Variants in BCAT1 observed in about 807,000 individuals in gnomAD.
BCAT1 encodes the protein branched-chain-amino-acid aminotransferase, cytosolic.
A neutral mutation model predicts 52.4 loss-of-function variants in BCAT1; 48 were observed. The observed-to-expected ratio is 0.92, with a 90% CI of 0.73 to 1.16. BCAT1 has a LOEUF of 1.16. Ranked by LOEUF, BCAT1 falls within the 50% of genes most tolerant of loss-of-function variation. The pLI, the probability that BCAT1 is intolerant of heterozygous loss-of-function variation, is 0.00. For missense variants in BCAT1, 451 were observed against 457.1 expected (o/e 0.99, Z 0.12); for synonymous variants, 167 against 161.3 (o/e 1.04, Z -0.27).
intron 10 of BCAT1, among the ~76,000 whole-genome samples, chr12:24,825,019 G>A (rs554032892): frequency 2.7e-4 from 41 of 151,678 alleles, no homozygotes; most frequent in African/African-American, 9.9e-4. Flanking sequence ...TCGGTCCCTC[G>A]CTTATTTCAC....
At chr12:24,927,807 C>T (rs1373393016) in intron 1 of BCAT1, among the ~76,000 whole-genome samples, 1 of 152,152 alleles carries the variant, frequency 6.6e-6, no homozygotes, top group Non-Finnish European at 1.5e-5. Context: ...ATTGAATGAC[C>T]TTGACTTGGG....
chr12:24,829,920 A>ACGCCTG, intron 9 of BCAT1, 23 bp from the exon 10 acceptor site: 2 of 1,561,272 alleles, frequency 1.3e-6, no homozygotes, highest in Non-Finnish European at 1.8e-6. Context: ...GGGAAATGAG[A>ACGCCTG]TAATTTGAGG....
At chr12:24,943,908 C>T (rs1472511837) in intron 1 of BCAT1, among the ~76,000 whole-genome samples, 6 of 151,874 alleles carry the variant, frequency 4.0e-5, no homozygotes, top group Non-Finnish European at 8.8e-5. Flanking sequence ...GGCGTGAACC[C>T]AGGAGGCGGA....
chr12:24,836,659 T>C, intron 7 of BCAT1, 63 bp from the exon 8 acceptor site: 1 of 1,324,368 alleles, frequency 7.6e-7, no homozygotes, highest in Non-Finnish European at 1.1e-6. Context: ...TTATTATCAA[T>C]AGCCATTTTT....
At chr12:24,837,401 T>A (rs912787098) in intron 7 of BCAT1, among the ~76,000 whole-genome samples, 2 of 151,684 alleles carry the variant, frequency 1.3e-5, no homozygotes, top group South Asian at 4.2e-4. Context: ...CTACTCAGGC[T>A]GGTCACTGCT....
intron 7 of BCAT1, among the ~76,000 whole-genome samples, 187 bp from the exon 8 acceptor site, chr12:24,836,783 GAAGA>G (rs1029488750): frequency 5.7e-5 from 7 of 122,644 alleles, no homozygotes; most frequent in Admixed American, 1.8e-4. Context: ...TTTAAAAAAA[GAAGA>G]AAGAAGGAAG....
At chr12:24,859,928 A>G (rs1422525897) in intron 5 of BCAT1, among the ~76,000 whole-genome samples, 1 of 152,106 alleles carries the variant, frequency 6.6e-6, no homozygotes, top group East Asian at 1.9e-4. Flanking sequence ...TTGTATTTGT[A>G]TAAATATGTT....
In BCAT1 at chr12:24,832,791, T is replaced by C. The variant is rs759538657; in HGVS notation, c.976A>G (p.Arg326Gly). Residue 326 changes from arginine (R) to glycine (G), a missense_variant, in exon 9 of 11, where the codon AGA becomes GGA. Transcript: ENST00000261192. ...GCTGTACCAGAGCCAAACATCTCTC[T>C]CACTCTGTTCCCCTCCAGGGCTGTT... ...LTTALEGNRVREMFGSGTACV... is the reference protein window; with the variant it reads ...LTTALEGNRVGEMFGSGTACV... 3 of 1,611,838 alleles carry C rather than the reference T, an allele frequency of 1.9e-6. No homozygotes were observed. The highest frequency in any genetic ancestry group is 2.5e-6 in the Non-Finnish European group (3 of 1,178,958).
intron 2 of BCAT1, among the ~76,000 whole-genome samples, chr12:24,895,234 A>T (rs1384070204): frequency 6.6e-6 from 1 of 152,136 alleles, no homozygotes; most frequent in Non-Finnish European, 1.5e-5. Context: ...ACCACCACTA[A>T]CTTTATAGCA....
At chr12:24,862,886 C>G (rs1358149324) in intron 5 of BCAT1, among the ~76,000 whole-genome samples, 1 of 152,046 alleles carries the variant, frequency 6.6e-6, no homozygotes, top group Non-Finnish European at 1.5e-5. Context: ...GAGAAAATGT[C>G]CTTTGTCTCT....
At chr12:24,914,296 T>C (rs769906203) in intron 1 of BCAT1, among the ~76,000 whole-genome samples, 1 of 152,172 alleles carries the variant, frequency 6.6e-6, no homozygotes, top group Non-Finnish European at 1.5e-5. Context: ...TTGCTCTGGC[T>C]GGTCTCGAAC....
chr12:24,876,260 T>TAAAAAA (rs71448093), intron 5 of BCAT1, among the ~76,000 whole-genome samples: 4 of 109,832 alleles, frequency 3.6e-5, no homozygotes, highest in South Asian at 3.2e-4. Flanking sequence ...GAGGGAGATG[T>TAAAAAA]AAAAAAAAAA....
chr12:24,844,149 C>T (rs762069300), intron 6 of BCAT1, among the ~76,000 whole-genome samples: 37 of 152,166 alleles, frequency 2.4e-4, no homozygotes, highest in Admixed American at 2.0e-4. Context: ...ATTTCCAGGC[C>T]GGGCACGGTG....
chr12:24,925,520 CCCTG>C (rs1356294409), intron 1 of BCAT1, among the ~76,000 whole-genome samples: 2 of 152,128 alleles, frequency 1.3e-5, no homozygotes, highest in African/African-American at 2.4e-5. Flanking sequence ...CCCTGGAGAA[CCCTG>C]CCTAACACAA....
intron 5 of BCAT1, among the ~76,000 whole-genome samples, chr12:24,858,234 G>C (rs572479937): frequency 6.6e-6 from 1 of 152,128 alleles, no homozygotes; most frequent in Non-Finnish European, 1.5e-5. Flanking sequence ...GTGTATTTTT[G>C]TGTGTTGTAT....
At chr12:24,901,210 T>C (rs763798591) in intron 2 of BCAT1, among the ~76,000 whole-genome samples, 3 of 152,088 alleles carry the variant, frequency 2.0e-5, no homozygotes, top group Non-Finnish European at 2.9e-5. Context: ...CTGATGACAA[T>C]TGACAGTGAC....
intron 2 of BCAT1, among the ~76,000 whole-genome samples, chr12:24,898,347 T>C (rs1424665670): frequency 6.6e-6 from 1 of 152,076 alleles, no homozygotes; most frequent in Non-Finnish European, 1.5e-5. Flanking sequence ...CCACAATAAC[T>C]GATTGTGAAA....
intron 1 of BCAT1, chr12:24,903,091 A>AT: frequency 7.3e-7 from 1 of 1,369,462 alleles, no homozygotes; most frequent in Non-Finnish European, 9.4e-7. Context: ...CGCACGGCCC[A>AT]TAGGGCGCTG....
intron 7 of BCAT1, among the ~76,000 whole-genome samples, chr12:24,836,823 A>AAGGAAGGAAGGAAGGAAG (rs778177716): frequency 5.2e-5 from 6 of 114,490 alleles, no homozygotes; most frequent in South Asian, 2.9e-4. Flanking sequence ...GGAAGGAAAG[A>AAGGAAGGAAGGAAGGAAG]AGGAAGGAAG....
Sources: allele counts gnomAD v4.1 joint callset (sites outside exome capture counted in the v4.1 genomes callset), GRCh38; gene constraint gnomAD v4.1.1; transcripts MANE v1.5; gene names NCBI Gene and HGNC (gene_info 2026-07-23, HGNC 2026-07-21).